Variants in ITPR3 observed in about 807,000 individuals in gnomAD.
ITPR3 encodes the protein inositol 1,4,5-trisphosphate receptor type 3, also known as inositol 1,4,5-trisphosphate-gated calcium channel ITPR3.
A neutral mutation model predicts 293.2 loss-of-function variants in ITPR3; 173 were observed. The observed-to-expected ratio is 0.59, with a 90% CI of 0.52 to 0.67. The LOEUF is 0.67. Ranked by LOEUF, ITPR3 falls within the 30% of genes least tolerant of loss-of-function variation. The pLI, the probability that ITPR3 is intolerant of heterozygous loss-of-function variation, is 0.00. For synonymous variants in ITPR3, 1,295 were observed against 1,444.4 expected (o/e 0.90, Z 2.35); for missense variants, 2,796 against 3,592.1 (o/e 0.78, Z 5.66).
chr6:33,670,962 A>T lies in ITPR3; in HGVS notation c.2586+147A>T. On this transcript the variant is annotated intron_variant, in intron 20 of 57. Coordinates refer to ENST00000605930, the MANE Select transcript of ITPR3 (RefSeq NM_002224.4). This position sits in a 1 kb window ranked among gnomAD's most constrained non-coding sequence, Gnocchi z 6.7. Reference sequence around the variant, plus strand: ...AGCCAGTGCAGGGGGACCGCATAGAAGGCTGGGATTCTCCAAGAGGCAGGC... The same window carrying T: ...AGCCAGTGCAGGGGGACCGCATAGATGGCTGGGATTCTCCAAGAGGCAGGC... 7.6e-7 allele frequency: 1 copy of T among 1,314,776 alleles called. No homozygotes were observed. Among genetic ancestry groups the T allele is most frequent in the Non-Finnish European group, 1.0e-6 (1 of 958,976 alleles). 81.4% of individuals were successfully genotyped at this position (1,314,776 alleles called of 1,614,324 possible).
At chr6:33,693,929 C>G (rs578226511) in intron 56 of ITPR3, among the ~76,000 whole-genome samples, 67 of 152,374 alleles carry the variant, frequency 4.4e-4, no homozygotes, top group Admixed American at 2.5e-3. Flanking sequence ...GGAAGCAGCT[C>G]TGGGCTGCAC....
chr6:33,683,532 C>G lies in ITPR3; in HGVS notation c.4788+135C>G. Reference sequence around the variant, plus strand: ...ACACTTCCAGGAAGGGGCTGGTTGGCTTCTCTACACTCTGGGGCTGCTAAG... The same window carrying G: ...ACACTTCCAGGAAGGGGCTGGTTGGGTTCTCTACACTCTGGGGCTGCTAAG... On this transcript the variant is annotated intron_variant, in intron 35 of 57. Coordinates refer to ENST00000605930, the MANE Select transcript of ITPR3 (RefSeq NM_002224.4). This position sits in a 1 kb window ranked among gnomAD's most constrained non-coding sequence, Gnocchi z 4.5. The G allele has an allele frequency of 1.3e-6, 1 of 774,518 alleles. No homozygotes were observed. The allele number at this position is 774,518 out of a possible 1,614,324, so 48.0% of individuals were successfully genotyped here.
chr6:33,679,910 T>C lies in ITPR3; in HGVS notation c.4001T>C (p.Val1334Ala), dbSNP rs2127298051. The change falls in exon 31 of 58, where the codon GTG becomes GCG. Residue 1334 changes from valine to alanine, a missense_variant. This residue lies in a region of ITPR3 where 344 missense variants were observed against 460.3 expected (regional missense o/e 0.75). Transcript: ENST00000605930. This position sits in a 1 kb window ranked among gnomAD's most constrained non-coding sequence, Gnocchi z 4.2. ...ACCAATGCAGGTGACGATGTGGTCG[T>C]GTTCTACAATGATAAGGCATCGCTG... ...ELTNAGDDVV[V>A]FYNDKASLAH... The C allele has an allele frequency of 2.5e-6, 4 of 1,613,560 alleles. No individual in the cohort carries two copies. The East Asian group carries it at 8.9e-5, about 36-fold the overall frequency.
intron 1 of ITPR3, among the ~76,000 whole-genome samples, chr6:33,629,714 A>G (rs577122067): frequency 6.6e-6 from 1 of 152,012 alleles, no homozygotes; most frequent in African/African-American, 2.4e-5. Flanking sequence ...TCCTAACCTC[A>G]GGTGATCTGC....
At chr6:33,660,496 C>T (rs1409699453) in intron 7 of ITPR3, among the ~76,000 whole-genome samples, 1 of 152,102 alleles carries the variant, frequency 6.6e-6, no homozygotes, top group Non-Finnish European at 1.5e-5. Flanking sequence ...CTACCCATGC[C>T]CTGCCCCAAT....
At chr6:33,628,713 G>A (rs556612945) in intron 1 of ITPR3, among the ~76,000 whole-genome samples, 1 of 152,320 alleles carries the variant, frequency 6.6e-6, no homozygotes, top group East Asian at 1.9e-4. Context: ...GAGTAAAATG[G>A]CCAGAGTGCT....
Position 33,690,956 on chromosome 6 carries a change from G to C in ITPR3, c.7072G>C (p.Val2358Leu). The part of the protein sequence containing the change: ...LIYREETLFN[V>L]IKSVTRNGRS... ...CTACCGCGAGGAGACGCTGTTCAAC[G>C]TCATCAAGAGTGTGACCCGCAATGG... The change falls in exon 52 of 58, where the codon GTC becomes CTC. Residue 2358 changes from valine (V) to leucine (L), a missense_variant. By Grantham distance (32) the Val-to-Leu change is conservative. Around this residue, in one of 8 missense-constraint regions of ITPR3, gnomAD observed 568 missense variants for 796.1 expected, o/e 0.71. Coordinates refer to ENST00000605930, the MANE Select transcript of ITPR3 (RefSeq NM_002224.4). 6.2e-7 allele frequency: 1 copy of C among 1,614,158 alleles called. No individual in the cohort carries two copies.
intron 2 of ITPR3, among the ~76,000 whole-genome samples, chr6:33,641,011 C>T (rs184082126): frequency 6.6e-6 from 1 of 152,346 alleles, no homozygotes; most frequent in East Asian, 1.9e-4. Flanking sequence ...CTGGCTGTGT[C>T]CTCAGCCCCC....
Position 33,655,698 on chromosome 6 carries a change from T to G in ITPR3, c.161-68T>G, listed in dbSNP as rs1582122992. 1.4e-5 allele frequency: 23 copies of G among 1,596,436 alleles called. No homozygotes were observed. The highest frequency in any genetic ancestry group is 4.5e-5 in the East Asian group (2 of 44,450). On this transcript the variant is annotated intron_variant, in intron 2 of 57. Transcript: ENST00000605930. This position sits in a 1 kb window ranked among gnomAD's most constrained non-coding sequence, Gnocchi z 4.9. ...GGGAGAGAAGAGCTGCAGGCTGGGG[T>G]TTTCTCCAGGGAGGGCCCTGAGCCC...
At chr6:33,673,782 G>A (rs1764833509) in intron 23 of ITPR3, 62 bp downstream of exon 23, 14 of 1,586,266 alleles carry the variant, frequency 8.8e-6, no homozygotes, top group African/African-American at 2.7e-5. Context: ...ACACAGCAGT[G>A]GGGTGGAGCC....
chr6:33,695,990 C>T lies in ITPR3; in HGVS notation c.*210C>T. The T allele has an allele frequency of 5.2e-6, 3 of 577,322 alleles. No individual in the cohort carries two copies. Among genetic ancestry groups the T allele is most frequent in the Non-Finnish European group, 9.3e-6 (3 of 322,770 alleles). The allele number at this position is 577,322 out of a possible 1,614,324, so 35.8% of individuals were successfully genotyped here. ...GTCCTGCTTAGAGCCCTTAAAAAGA[C>T]TTGAAAGTTCACTGGGACTCAGTTT... On this transcript the variant is annotated 3_prime_UTR_variant, in exon 58 of 58. Coordinates refer to ENST00000605930, the MANE Select transcript of ITPR3 (RefSeq NM_002224.4).
intron 56 of ITPR3, chr6:33,694,709 C>G: frequency 1.7e-5 from 10 of 584,840 alleles, no homozygotes; most frequent in Admixed American, 1.2e-4. Flanking sequence ...GGAAGTCAGC[C>G]TGTCTCGGTG....
Position 33,638,303 on chromosome 6 carries a change from C to T in ITPR3, c.90-2181C>T, listed in dbSNP as rs1306132374. Among the ~76,000 whole-genome samples, 2 of 152,230 alleles carry T rather than the reference C, an allele frequency of 1.3e-5. No homozygotes were observed. On this transcript the variant is annotated intron_variant, in intron 1 of 57. Transcript: ENST00000605930. The surrounding 1 kb of genome is among the most constrained non-coding windows in gnomAD (Gnocchi z 4.3). ...ACAGGCATGAGCCACCGCGTCCATCCACATAGGCATGATTGATTAAACCAT... is the reference window on the plus strand; with the variant it reads ...ACAGGCATGAGCCACCGCGTCCATCTACATAGGCATGATTGATTAAACCAT...
intron 2 of ITPR3, among the ~76,000 whole-genome samples, chr6:33,645,753 T>A (rs569768235): frequency 6.6e-6 from 1 of 152,362 alleles, no homozygotes; most frequent in South Asian, 2.1e-4. Flanking sequence ...CATCTTACTG[T>A]GGTTTTAATT....
chr6:33,683,494 TC>T lies in ITPR3; in HGVS notation c.4788+99del. 9.2e-7 allele frequency: 1 copy of T among 1,084,202 alleles called. No homozygotes were observed. The allele number at this position is 1,084,202 out of a possible 1,614,324, so 67.2% of individuals were successfully genotyped here. A position where few individuals can be genotyped will look rare whatever the true frequency, so the allele number is the denominator to read the frequency against. On this transcript the variant is annotated intron_variant, in intron 35 of 57. Transcript: ENST00000605930. This position sits in a 1 kb window ranked among gnomAD's most constrained non-coding sequence, Gnocchi z 4.5. ...GGGCAAGTTCTCGGGGAGTGTTTCT[TC>T]CTGTCCTGCCCACACTTCCAGGAAG... is the stretch of plus-strand genomic sequence containing the variant.
chr6:33,646,087 C>G (rs920616285), intron 2 of ITPR3, among the ~76,000 whole-genome samples: 2 of 152,152 alleles, frequency 1.3e-5, no homozygotes, highest in Non-Finnish European at 2.9e-5. Context: ...CCACCCGCCT[C>G]GGTCTCCCAA....
chr6:33,688,825 T>C, intron 49 of ITPR3, 44 bp downstream of exon 49: 6 of 1,613,368 alleles, frequency 3.7e-6, no homozygotes, highest in Non-Finnish European at 5.1e-6. Flanking sequence ...GGCCCTGCCA[T>C]GCTTCCTCCC....
intron 1 of ITPR3, among the ~76,000 whole-genome samples, 182 bp from the exon 2 acceptor site, chr6:33,640,302 G>A (rs978532077): frequency 6.6e-6 from 1 of 152,098 alleles, no homozygotes; most frequent in African/African-American, 2.4e-5. Flanking sequence ...CCGCCCCCAA[G>A]AGACACCTTG....
chr6:33,624,723 C>G lies in ITPR3; in HGVS notation c.89+3032C>G, dbSNP rs1057291358. Among the ~76,000 whole-genome samples the G allele has an allele frequency of 6.6e-6, 1 of 152,170 alleles. No homozygotes were observed. The highest frequency in any genetic ancestry group is 2.4e-5 in the African/African-American group (1 of 41,434). On this transcript the variant is annotated intron_variant, in intron 1 of 57. Coordinates refer to ENST00000605930, the MANE Select transcript of ITPR3 (RefSeq NM_002224.4). This position sits in a 1 kb window ranked among gnomAD's most constrained non-coding sequence, Gnocchi z 4.7. ...CCAGTGTGTGGGCCCCAGGAGGTAC[C>G]CAGTAAGGGCTGGATAAAAATGAAT...
Sources: gnomAD v4.1 joint callset for allele counts (sites outside exome capture counted in the v4.1 genomes callset) on GRCh38, gnomAD v4.1.1 for gene constraint, gnomAD v4.1.1 regional missense constraint, Gnocchi (gnomAD v3.1) non-coding constraint, MANE v1.5 for transcripts, NCBI Gene and HGNC (gene_info 2026-07-23, HGNC 2026-07-21) for gene names.